The following SEZ6L variants were observed in gnomAD, a reference collection of about 807,000 sequenced individuals.
The protein encoded by SEZ6L is seizure related 6 homolog like.
Under a neutral mutation model 106.2 loss-of-function variants are expected in SEZ6L, and 37 were observed. The ratio of observed to expected loss-of-function variants is 0.35; its 90% CI spans 0.27 to 0.46. SEZ6L has a LOEUF of 0.46. Ranked by LOEUF, SEZ6L falls within the 20% of genes least tolerant of loss-of-function variation. SEZ6L has a pLI of 1.00. For synonymous variants in SEZ6L, 541 were observed against 570.4 expected (o/e 0.95, Z 0.73); for missense variants, 1,172 against 1,332.8 (o/e 0.88, Z 1.88).
At chr22:26,223,332 T>G (rs2078535920) in intron 1 of SEZ6L, among the ~76,000 whole-genome samples, 1 of 152,230 alleles carries the variant, frequency 6.6e-6, no homozygotes, top group African/African-American at 2.4e-5. Flanking sequence ...TTAATGATAT[T>G]TCAAGTGTTG....
In SEZ6L at chr22:26,294,414, G is replaced by T. The variant is rs1209390823; in HGVS notation, c.958G>T (p.Val320Leu). Residue 320 changes from valine to leucine, a missense_variant, in exon 3 of 17, where the codon GTG becomes TTG. Physicochemically the swap from Val to Leu is conservative, Grantham distance 32. This residue lies in a region of SEZ6L where 494 missense variants were observed against 445.8 expected (regional missense o/e 1.11). Coordinates refer to ENST00000248933, the MANE Select transcript of SEZ6L (RefSeq NM_021115.5). ...CGTGACAGTCTACACTGGCTATGGG[G>T]TGGAGCTCCAGGTAACCCCAGGAGA... ...YNVTVYTGYG[V>L]ELQVKSVNLS... is the part of the protein sequence containing the mutation. The T allele has an allele frequency of 6.2e-7, 1 of 1,614,042 alleles. No homozygotes were observed. Among genetic ancestry groups the T allele is most frequent in the Non-Finnish European group, 8.5e-7 (1 of 1,179,986 alleles).
intron 9 of SEZ6L, among the ~76,000 whole-genome samples, chr22:26,331,105 C>G (rs142345035): frequency 6.6e-6 from 1 of 152,216 alleles, no homozygotes; most frequent in Admixed American, 6.5e-5. Context: ...CCACCTGCTC[C>G]CCACATCCAG....
At chr22:26,277,574 C>T (rs866589982) in intron 1 of SEZ6L, among the ~76,000 whole-genome samples, 22 of 152,196 alleles carry the variant, frequency 1.4e-4, no homozygotes, top group African/African-American at 5.1e-4. Context: ...AGTCAAAGCA[C>T]GTTTATCTAG....
intron 10 of SEZ6L, among the ~76,000 whole-genome samples, chr22:26,345,457 G>A (rs146627761): frequency 1.1e-4 from 17 of 152,298 alleles, no homozygotes; most frequent in African/African-American, 3.6e-4. Flanking sequence ...TTGGCTCAAG[G>A]CAGACCACAT....
At chr22:26,322,889 G>A (rs1457370273) in intron 9 of SEZ6L, among the ~76,000 whole-genome samples, 3 of 152,008 alleles carry the variant, frequency 2.0e-5, no homozygotes, top group African/African-American at 7.3e-5. Flanking sequence ...AAACCCTAAG[G>A]GCCTTTTCAT....
intron 12 of SEZ6L, 38 bp from the exon 13 acceptor site, chr22:26,365,334 C>T (rs1261009689): frequency 1.3e-6 from 2 of 1,560,304 alleles, no homozygotes; most frequent in Non-Finnish European, 1.8e-6. Context: ...CAAAGATTTG[C>T]ATCATCTCAT....
At chr22:26,201,546 G>T (rs1023314759) in intron 1 of SEZ6L, among the ~76,000 whole-genome samples, 4 of 151,974 alleles carry the variant, frequency 2.6e-5, no homozygotes, top group Admixed American at 1.3e-4. Flanking sequence ...GGGAAACAGA[G>T]CAAGACTCCG....
At chr22:26,220,387 C>T (rs1569392961) in intron 1 of SEZ6L, among the ~76,000 whole-genome samples, 1 of 152,164 alleles carries the variant, frequency 6.6e-6, no homozygotes, top group Non-Finnish European at 1.5e-5. Context: ...ACCCTCTCCT[C>T]CTCAATTCTC....
At chr22:26,300,133 A>T (rs1416158331) in intron 5 of SEZ6L, among the ~76,000 whole-genome samples, 4 of 149,848 alleles carry the variant, frequency 2.7e-5, no homozygotes, top group Non-Finnish European at 4.4e-5. Context: ...CTTTGGGGAG[A>T]TGTCTAGTCA....
chr22:26,245,751 T>C (rs2079316792), intron 1 of SEZ6L, among the ~76,000 whole-genome samples: 1 of 152,224 alleles, frequency 6.6e-6, no homozygotes, highest in Non-Finnish European at 1.5e-5. Flanking sequence ...TTCTCTTTAA[T>C]CTTCCTGTTC....
At chr22:26,302,796 T>C (rs955522188) in intron 5 of SEZ6L, among the ~76,000 whole-genome samples, 2 of 152,180 alleles carry the variant, frequency 1.3e-5, no homozygotes, top group African/African-American at 4.8e-5. Context: ...GGCTGGCAAA[T>C]TGAAGCCAAA....
At chr22:26,351,691 C>T (rs1443668089) in intron 12 of SEZ6L, among the ~76,000 whole-genome samples, 6 of 152,044 alleles carry the variant, frequency 3.9e-5, no homozygotes, top group Admixed American at 1.3e-4. Context: ...GGATTACAGG[C>T]GCGTGCCACC....
intron 1 of SEZ6L, among the ~76,000 whole-genome samples, chr22:26,257,886 G>T (rs929059199): frequency 2.0e-5 from 3 of 152,214 alleles, no homozygotes; most frequent in Non-Finnish European, 2.9e-5. Flanking sequence ...GACCCTGATA[G>T]CATCTGTATT....
intron 16 of SEZ6L, among the ~76,000 whole-genome samples, chr22:26,378,903 G>A (rs1422427748): frequency 6.6e-6 from 1 of 152,192 alleles, no homozygotes; most frequent in Non-Finnish European, 1.5e-5. Context: ...CCACTGATGT[G>A]TAACAATATT....
intron 6 of SEZ6L, among the ~76,000 whole-genome samples, chr22:26,309,184 T>G (rs985128757): frequency 6.6e-6 from 1 of 152,194 alleles, no homozygotes; most frequent in African/African-American, 2.4e-5. Flanking sequence ...CTTATCTAAT[T>G]TGTATATGGT....
chr22:26,196,003 A>G (rs2145667324), intron 1 of SEZ6L, among the ~76,000 whole-genome samples: 1 of 152,270 alleles, frequency 6.6e-6, no homozygotes, highest in African/African-American at 2.4e-5. Context: ...TGAGTGATAT[A>G]GTTTTGATCT....
intron 1 of SEZ6L, among the ~76,000 whole-genome samples, chr22:26,247,609 A>T (rs1280846887): frequency 6.6e-6 from 1 of 152,170 alleles, no homozygotes; most frequent in East Asian, 1.9e-4. Context: ...GACACAAGGA[A>T]GGATTCTTCC....
chr22:26,317,285 C>G (rs1412344445), intron 9 of SEZ6L, among the ~76,000 whole-genome samples: 2 of 152,060 alleles, frequency 1.3e-5, no homozygotes, highest in Non-Finnish European at 2.9e-5. Flanking sequence ...GAATTCCTTC[C>G]CCCAGAAGTT....
At chr22:26,315,785 C>T (rs566775746) in intron 9 of SEZ6L, among the ~76,000 whole-genome samples, 13 of 152,218 alleles carry the variant, frequency 8.5e-5, no homozygotes, top group Admixed American at 2.0e-4. Flanking sequence ...CATCTGGGCA[C>T]GGTAGCTCAC....
Sources: allele counts gnomAD v4.1 joint callset (sites outside exome capture counted in the v4.1 genomes callset), GRCh38; gene constraint gnomAD v4.1.1; regional missense constraint gnomAD v4.1.1; transcripts MANE v1.5; gene names NCBI Gene and HGNC (gene_info 2026-07-23, HGNC 2026-07-21).